The following CCNB3 variants were observed in gnomAD, a reference collection of about 807,000 sequenced individuals.
CCNB3 encodes the protein cyclin B3.
CCNB3 carries 12 observed loss-of-function variants against 68.0 expected under a neutral mutation model. That is an observed-to-expected ratio of 0.18 (90% confidence interval 0.11 to 0.29). The LOEUF (loss-of-function observed/expected upper bound fraction) is 0.29. CCNB3 is among the 10% of genes least tolerant of loss of function. CCNB3 has a pLI of 1.00. For missense variants in CCNB3, 904 were observed against 993.1 expected (o/e 0.91, Z 1.21); for synonymous variants, 354 against 388.9 (o/e 0.91, Z 1.06).
At chrX:50,205,960 AAATT>A (rs1285339939) in intron 1 of CCNB3, among the ~76,000 whole-genome samples, 3 of 98,446 alleles carry the variant, frequency 3.0e-5, no homozygotes, top group Non-Finnish European at 6.2e-5. Context: ...AAAGAAAAAA[AAATT>A]AAATAGCTGG....
intron 5 of CCNB3, among the ~76,000 whole-genome samples, chrX:50,305,674 T>C (rs145761328): frequency 0.019 from 2,075 of 110,482 alleles, 34 homozygotes; most frequent in Middle Eastern, 0.046. Flanking sequence ...AGAATCAGCT[T>C]GTCAATTTCT....
intron 5 of CCNB3, among the ~76,000 whole-genome samples, chrX:50,297,398 A>G (rs1557211354): frequency 1.8e-5 from 2 of 111,636 alleles, no homozygotes; most frequent in African/African-American, 6.5e-5. Flanking sequence ...TCCTTTCCCC[A>G]TTGCTTGTTT....
chrX:50,219,393 T>C (rs2146985087), intron 1 of CCNB3, among the ~76,000 whole-genome samples: 1 of 111,840 alleles, frequency 8.9e-6, no homozygotes, highest in African/African-American at 3.2e-5. Flanking sequence ...CGGGGGTTTT[T>C]ATGGTTTTAG....
chrX:50,291,915 T>G (rs1936354094), intron 4 of CCNB3, among the ~76,000 whole-genome samples: 1 of 111,760 alleles, frequency 8.9e-6, no homozygotes, highest in African/African-American at 3.2e-5. Context: ...AGACATACTT[T>G]TTTTTCTACA....
intron 1 of CCNB3, among the ~76,000 whole-genome samples, chrX:50,209,782 T>TAAA (rs1935454316): frequency 8.9e-6 from 1 of 112,587 alleles, no homozygotes; most frequent in Non-Finnish European, 1.9e-5. Context: ...TAGAGGTTTG[T>TAAA]TAGGCTTTTG....
At chrX:50,350,248 T>TACAC (rs35500925) in intron 11 of CCNB3, among the ~76,000 whole-genome samples, 11,014 of 95,095 alleles carry the variant, frequency 0.12, 735 homozygotes, top group Admixed American at 0.2. Flanking sequence ...CATACACAAA[T>TACAC]ACACACACAC....
chrX:50,227,243 T>C (rs1290394229), intron 1 of CCNB3, among the ~76,000 whole-genome samples: 1 of 81,152 alleles, frequency 1.2e-5, no homozygotes, highest in Non-Finnish European at 2.2e-5. Flanking sequence ...AATATATATA[T>C]ACAGAATATA....
chrX:50,319,133 T>G (rs1921887308), intron 8 of CCNB3, among the ~76,000 whole-genome samples: 1 of 111,172 alleles, frequency 9.0e-6, no homozygotes, highest in African/African-American at 3.3e-5. Flanking sequence ...TAAATCATAG[T>G]CATGAGTATG....
intron 1 of CCNB3, among the ~76,000 whole-genome samples, chrX:50,282,937 T>A (rs1312704624): frequency 9.0e-6 from 1 of 111,327 alleles, no homozygotes; most frequent in Non-Finnish European, 1.9e-5. Flanking sequence ...AGTAAGTGAT[T>A]TTCATACAGT....
At chrX:50,315,611 T>C (rs1259028629) in intron 8 of CCNB3, among the ~76,000 whole-genome samples, 2 of 111,500 alleles carry the variant, frequency 1.8e-5, no homozygotes, top group African/African-American at 6.5e-5. Context: ...ATGCACTCAT[T>C]TGGGGGTGTG....
In CCNB3 at chrX:50,314,021, G is replaced by T. The variant is rs782651300; in HGVS notation, c.3516+73G>T. ...TTCAGGGCTGCCAGGCCAAAAACAT[G>T]GTAAAAATGTACTGGGTCTATAGAG... On this transcript the variant is annotated intron_variant, in intron 8 of 12. Coordinates refer to ENST00000376042, the MANE Select transcript of CCNB3 (RefSeq NM_033031.3). The T allele has an allele frequency of 2.0e-4, 151 of 751,496 alleles. 2 individuals carry two copies. In the South Asian group the frequency reaches 3.5e-3, roughly 17 times the overall value. The allele number at this position is 751,496 out of a possible 1,213,427, so 61.9% of individuals were successfully genotyped here. A position where few individuals can be genotyped will look rare whatever the true frequency, so the allele number is the denominator to read the frequency against.
At chrX:50,215,058 C>T (rs1935549425) in intron 1 of CCNB3, among the ~76,000 whole-genome samples, 1 of 110,724 alleles carries the variant, frequency 9.0e-6, no homozygotes, top group African/African-American at 3.3e-5. Context: ...GGCACGATCT[C>T]GGCTCACTGC....
chrX:50,346,468 C>A (rs1457687705), intron 9 of CCNB3, among the ~76,000 whole-genome samples, 184 bp from the exon 10 acceptor site: 1 of 111,266 alleles, frequency 9.0e-6, no homozygotes, highest in Non-Finnish European at 1.9e-5. Flanking sequence ...GCAGGCCTCT[C>A]CTGTCCTTTC....
At chrX:50,335,079 G>A (rs1207044906) in intron 8 of CCNB3, among the ~76,000 whole-genome samples, 1 of 111,986 alleles carries the variant, frequency 8.9e-6, no homozygotes, top group East Asian at 2.8e-4. Context: ...CTGCTGTGGA[G>A]TGTCCCAGCA....
chrX:50,344,204 G>T (rs1557219990), intron 9 of CCNB3, among the ~76,000 whole-genome samples: 1 of 111,969 alleles, frequency 8.9e-6, no homozygotes, highest in East Asian at 2.8e-4. Flanking sequence ...ATATAACCTG[G>T]GTGTGTAGGC....
At chrX:50,227,129 A>C (rs1476498479) in intron 1 of CCNB3, among the ~76,000 whole-genome samples, 2 of 81,059 alleles carry the variant, frequency 2.5e-5, no homozygotes, top group Non-Finnish European at 4.4e-5. Flanking sequence ...AATATATACA[A>C]AAATATATAG....
At chrX:50,211,486 A>T (rs1935482462) in intron 1 of CCNB3, among the ~76,000 whole-genome samples, 1 of 111,110 alleles carries the variant, frequency 9.0e-6, no homozygotes, top group Admixed American at 9.6e-5. Context: ...CCTGGGTAAC[A>T]TAGCAAAACC....
At chrX:50,226,120 A>G (rs1425615476) in intron 1 of CCNB3, among the ~76,000 whole-genome samples, 30 of 81,094 alleles carry the variant, frequency 3.7e-4, no homozygotes, top group African/African-American at 1.3e-3. Context: ...AAATATATAT[A>G]TATTCGATAT....
chrX:50,335,165 C>G (rs908630062), intron 8 of CCNB3, among the ~76,000 whole-genome samples: 1 of 111,789 alleles, frequency 8.9e-6, no homozygotes, highest in African/African-American at 3.3e-5. Flanking sequence ...AGGGCCTCCC[C>G]GAAGATAGTA....
Sources: gnomAD v4.1 joint callset for allele counts (sites outside exome capture counted in the v4.1 genomes callset) on GRCh38, gnomAD v4.1.1 for gene constraint, MANE v1.5 for transcripts, NCBI Gene and HGNC (gene_info 2026-07-23, HGNC 2026-07-21) for gene names.